The following ZNF133 variants were observed in gnomAD, a reference collection of about 807,000 sequenced individuals.
The protein encoded by ZNF133 is zinc finger protein 133.
In ZNF133, 26 loss-of-function variants were observed where a neutral mutation model predicts 54.9. The ratio of observed to expected loss-of-function variants is 0.47; its 90% CI spans 0.35 to 0.66. ZNF133 has a LOEUF of 0.66. Ranked by LOEUF, ZNF133 falls within the 30% of genes least tolerant of loss-of-function variation. The probability of loss-of-function intolerance (pLI) is 0.01; values close to 1 mark genes in which losing one functional copy is unlikely to be tolerated. For synonymous variants in ZNF133, 298 were observed against 320.3 expected, an observed-to-expected ratio of 0.93 and a Z score of 0.74; for missense variants, 653 against 820.8, an observed-to-expected ratio of 0.80 and a Z score of 2.50.
intron 6 of ZNF133, among the ~76,000 whole-genome samples, chr20:18,308,768 G>A (rs761078273): frequency 6.6e-6 from 1 of 152,216 alleles, no homozygotes. Flanking sequence ...ACTTTTAATA[G>A]TGACTTTACT....
chr20:18,313,311 T>C (rs1006147921), intron 6 of ZNF133: 6 of 152,264 alleles, frequency 3.9e-5, no homozygotes, highest in African/African-American at 1.4e-4. Context: ...AAGATTTCTC[T>C]GAAGGCGCTT....
Position 18,316,513 on chromosome 20 carries a change from G to T in ZNF133, c.1662G>T (p.Gln554His). Residue 554 changes from glutamine (Q) to histidine (H), a missense_variant, in exon 7 of 7, where the codon CAG becomes CAT. By Grantham distance (24) the Gln-to-His change is conservative. Transcript: ENST00000425686. ...HSREKPYMCRQCGLGFGNKSA... is the reference protein window; with the variant it reads ...HSREKPYMCRHCGLGFGNKSA... ...GGGAGAAGCCCTACATGTGCAGGCAGTGTGGACTGGGCTTTGGCAATAAGT... is the reference window on the plus strand; with the variant it reads ...GGGAGAAGCCCTACATGTGCAGGCATTGTGGACTGGGCTTTGGCAATAAGT... 6.2e-7 allele frequency: 1 copy of T among 1,614,056 alleles called. No homozygotes were observed. The highest frequency in any genetic ancestry group is 2.2e-5 in the East Asian group (1 of 44,878).
intron 1 of ZNF133, among the ~76,000 whole-genome samples, chr20:18,293,900 T>C (rs181631676): frequency 1.3e-5 from 2 of 152,354 alleles, no homozygotes; most frequent in Admixed American, 1.3e-4. Flanking sequence ...AGAAGAATTC[T>C]AATTAATGGA....
intron 6 of ZNF133, among the ~76,000 whole-genome samples, chr20:18,309,880 G>T (rs1291997086): frequency 1.3e-5 from 2 of 152,208 alleles, no homozygotes; most frequent in East Asian, 3.9e-4. Flanking sequence ...TTCCTCTCAA[G>T]GAACAAGAGA....
intron 1 of ZNF133, 48 bp downstream of exon 1, chr20:18,288,652 G>A (rs1464841617): frequency 2.5e-6 from 1 of 398,464 alleles, no homozygotes; most frequent in African/African-American, 2.1e-5. Flanking sequence ...ACCCTTTTCT[G>A]CGCGAAAAGG....
At position 18,305,652 on chromosome 20, in the gene ZNF133, A is replaced by G. The variant is rs1043138132; in HGVS notation, c.-6-29A>G. ...CTGCCATGGGCAAGGCTGGCTTCTG[A>G]GTGAGCAGGGCTCAGTTTTGTGTTA... On this transcript the variant is annotated intron_variant, in intron 4 of 6. Transcript: ENST00000425686. This position sits in a 1 kb window ranked among gnomAD's most constrained non-coding sequence, Gnocchi z 4.7. 6.2e-7 allele frequency: 1 copy of G among 1,613,744 alleles called. No individual in the cohort carries two copies. Among genetic ancestry groups the G allele is most frequent in the Non-Finnish European group, 8.5e-7 (1 of 1,179,964 alleles).
At position 18,290,353 on chromosome 20, in the gene ZNF133, A is replaced by C. The variant is rs1007301641; in HGVS notation, c.-432+1749A>C. On this transcript the variant is annotated intron_variant, in intron 1 of 6. Coordinates refer to ENST00000425686, the MANE Select transcript of ZNF133 (RefSeq NM_001352452.2). ...TGTCAGGTCCTGTGAAGTTGTTAACATTCTGTTCTTCTGTCTTCCAATACT... is the reference window on the plus strand; with the variant it reads ...TGTCAGGTCCTGTGAAGTTGTTAACCTTCTGTTCTTCTGTCTTCCAATACT... 1.1e-4 allele frequency among the ~76,000 whole-genome samples: 17 copies of C among 152,260 alleles called. No homozygotes were observed. The East Asian group carries it at 2.7e-3, about 24-fold the overall frequency.
At chr20:18,301,937 C>T (rs1326617790) in intron 3 of ZNF133, among the ~76,000 whole-genome samples, 2 of 152,022 alleles carry the variant, frequency 1.3e-5, no homozygotes, top group East Asian at 3.9e-4. Context: ...TACTCTGATA[C>T]CAAAACCAGA....
At chr20:18,292,208 A>C (rs923470310) in intron 1 of ZNF133, among the ~76,000 whole-genome samples, 5 of 152,240 alleles carry the variant, frequency 3.3e-5, no homozygotes, top group African/African-American at 1.2e-4. Flanking sequence ...GCTAAGGTAC[A>C]TGAATCAGTG....
chr20:18,298,909 T>C (rs2042778663), intron 3 of ZNF133, among the ~76,000 whole-genome samples: 1 of 152,092 alleles, frequency 6.6e-6, no homozygotes, highest in South Asian at 2.1e-4. Context: ...ACCTTAAGCT[T>C]ACACCTCAGG....
intron 1 of ZNF133, chr20:18,289,938 C>G (rs2040576385): frequency 1.3e-5 from 2 of 152,350 alleles, no homozygotes; most frequent in South Asian, 4.1e-4. Context: ...AGGTACTGCC[C>G]TGCTGGAGAG....
In ZNF133 at chr20:18,290,840, T is replaced by C. The variant is rs531526793; in HGVS notation, c.-432+2236T>C. ...AACTTACTTCCCATTAGAAGTTGTG[T>C]CCTCCTGGCCGGGCACAGTGGCTCA... On this transcript the variant is annotated intron_variant, in intron 1 of 6. Transcript: ENST00000425686. Among the ~76,000 whole-genome samples, 151 of 152,252 alleles carry C rather than the reference T, an allele frequency of 9.9e-4. 1 individual carries two copies. Among genetic ancestry groups the C allele is most frequent in the African/African-American group, 3.6e-3 (149 of 41,560 alleles).
chr20:18,309,086 C>T (rs1179796317), intron 6 of ZNF133, among the ~76,000 whole-genome samples: 1 of 152,236 alleles, frequency 6.6e-6, no homozygotes, highest in Non-Finnish European at 1.5e-5. Context: ...GGCCCTTTCT[C>T]AATGCTCACA....
At position 18,305,592 on chromosome 20, in the gene ZNF133, C is replaced by T. The variant is rs2044402065; in HGVS notation, c.-6-89C>T. 3.2e-6 allele frequency: 5 copies of T among 1,587,270 alleles called. No homozygotes were observed. Among genetic ancestry groups the T allele is most frequent in the Non-Finnish European group, 3.4e-6 (4 of 1,164,892 alleles). ...CACTGGGATCTTGATATCTCACCTG[C>T]CTCCCCCAGGGCAGCCTTATCCCTG... On this transcript the variant is annotated intron_variant, in intron 4 of 6. Transcript: ENST00000425686. The surrounding 1 kb of genome is among the most constrained non-coding windows in gnomAD (Gnocchi z 4.7).
chr20:18,313,464 A>G (rs62205466), intron 6 of ZNF133: 4 of 152,358 alleles, frequency 2.6e-5, no homozygotes, highest in East Asian at 1.9e-4. Flanking sequence ...TGTCAAAATT[A>G]TAGTCACTGT....
Position 18,305,614 on chromosome 20 carries a change from C to G in ZNF133, c.-6-67C>G, listed in dbSNP as rs1217689736. ...CTGCCTCCCCCAGGGCAGCCTTATC[C>G]CTGCCCCTCACCCTGCCATGGGCAA... On this transcript the variant is annotated intron_variant, in intron 4 of 6. Transcript: ENST00000425686. The surrounding 1 kb of genome is among the most constrained non-coding windows in gnomAD (Gnocchi z 4.7). 3 of 1,610,652 alleles carry G rather than the reference C, an allele frequency of 1.9e-6. No homozygotes were observed. The highest frequency in any genetic ancestry group is 2.2e-5 in the East Asian group (1 of 44,836).
intron 1 of ZNF133, chr20:18,290,105 C>T (rs1220839377): frequency 1.3e-5 from 2 of 152,276 alleles, no homozygotes. Context: ...GCATTTCGAA[C>T]CATGAGTGGG....
At chr20:18,307,521 A>G (rs16978956) in intron 6 of ZNF133, among the ~76,000 whole-genome samples, 49,902 of 152,108 alleles carry the variant, frequency 0.33, 10,318 homozygotes, top group African/African-American at 0.58. Context: ...ACTTTTCTCC[A>G]TACTTTTGGT....
chr20:18,297,205 ACTT>A (rs1291357025), intron 1 of ZNF133, among the ~76,000 whole-genome samples: 1 of 151,306 alleles, frequency 6.6e-6, no homozygotes, highest in Admixed American at 6.6e-5. Context: ...GATCCTTTTT[ACTT>A]CTTATTTCAC....
Sources: allele counts gnomAD v4.1 joint callset (sites outside exome capture counted in the v4.1 genomes callset), GRCh38; gene constraint gnomAD v4.1.1; non-coding constraint Gnocchi (gnomAD v3.1); transcripts MANE v1.5; gene names NCBI Gene and HGNC (gene_info 2026-07-23, HGNC 2026-07-21).